Variants in AGBL4 observed in about 807,000 individuals in gnomAD.
AGBL4 encodes the protein AGBL carboxypeptidase 4.
In AGBL4, 58 loss-of-function variants were observed where a neutral mutation model predicts 66.4. That is an observed-to-expected ratio of 0.87 (90% CI 0.71 to 1.09). The LOEUF is 1.09. AGBL4 is among the 50% of genes least tolerant of loss of function. AGBL4 has a pLI of 0.00. For synonymous variants in AGBL4, 234 were observed against 222.9 expected, an observed-to-expected ratio of 1.05 and a Z score of -0.44; for missense variants, 579 against 631.0, an observed-to-expected ratio of 0.92 and a Z score of 0.88.
chr1:49,774,253 A>T (rs2147890311), intron 2 of AGBL4, among the ~76,000 whole-genome samples: 1 of 152,300 alleles, frequency 6.6e-6, no homozygotes, highest in East Asian at 1.9e-4. Flanking sequence ...GACCACTAAA[A>T]GTCTCCAGCT....
intron 2 of AGBL4, among the ~76,000 whole-genome samples, chr1:49,825,195 T>C (rs1645478272): frequency 6.6e-6 from 1 of 152,264 alleles, no homozygotes; most frequent in African/African-American, 2.4e-5. Flanking sequence ...CTTTTGTTTT[T>C]CTAAATAATA....
intron 4 of AGBL4, among the ~76,000 whole-genome samples, chr1:49,227,603 C>T (rs968871579): frequency 1.3e-5 from 2 of 152,136 alleles, no homozygotes; most frequent in African/African-American, 4.8e-5. Context: ...ATAAAGAAGC[C>T]TTATGTCTAT....
At position 49,670,645 on chromosome 1, in the gene AGBL4, G is replaced by A. The variant is rs143425889; in HGVS notation, c.282+26668C>T. On this transcript the variant is annotated intron_variant, in intron 3 of 13. Coordinates refer to ENST00000371839, the MANE Select transcript of AGBL4 (RefSeq NM_032785.4). The stretch of plus-strand genomic sequence containing the variant: ...GAGTAATAGCTACAATTCTGAATAG[G>A]CTCTCCAAATTGCACACTGGTCCAT... 1.4e-3 allele frequency among the ~76,000 whole-genome samples: 209 copies of A among 152,206 alleles called. 1 individual carries two copies. Among genetic ancestry groups the A allele is most frequent in the Non-Finnish European group, 2.3e-3 (155 of 68,004 alleles).
intron 4 of AGBL4, among the ~76,000 whole-genome samples, chr1:49,087,543 T>G (rs1229689737): frequency 1.3e-5 from 2 of 151,628 alleles, no homozygotes; most frequent in African/African-American, 4.8e-5. Context: ...TTGAGAAAAA[T>G]CAATAAAGAA....
chr1:49,128,602 ATAACT>A (rs1418278540), intron 4 of AGBL4, among the ~76,000 whole-genome samples: 11 of 152,244 alleles, frequency 7.2e-5, no homozygotes, highest in African/African-American at 1.9e-4. Context: ...AACAGCCAAA[ATAACT>A]TAATAAGGAA....
intron 3 of AGBL4, among the ~76,000 whole-genome samples, chr1:49,391,851 C>A (rs1644858838): frequency 6.6e-6 from 1 of 151,852 alleles, no homozygotes; most frequent in African/African-American, 2.4e-5. Context: ...GTGAGCCAAC[C>A]ATGAGGTTTT....
chr1:49,369,256 A>T (rs991260994), intron 3 of AGBL4, among the ~76,000 whole-genome samples: 2 of 152,232 alleles, frequency 1.3e-5, no homozygotes, highest in Non-Finnish European at 2.9e-5. Flanking sequence ...TAACCTTTAG[A>T]TATCTTTAGA....
intron 4 of AGBL4, among the ~76,000 whole-genome samples, chr1:49,162,774 A>G (rs955626560): frequency 6.6e-6 from 1 of 152,308 alleles, no homozygotes; most frequent in African/African-American, 2.4e-5. Flanking sequence ...TCTCCTCTGT[A>G]ATGTGGAAAT....
At chr1:49,567,055 G>A (rs931479360) in intron 3 of AGBL4, among the ~76,000 whole-genome samples, 18 of 152,246 alleles carry the variant, frequency 1.2e-4, no homozygotes, top group African/African-American at 3.1e-4. Context: ...TCAGACTGCC[G>A]TGCTAGCAAT....
intron 3 of AGBL4, among the ~76,000 whole-genome samples, chr1:49,665,826 G>A (rs1220429700): frequency 6.6e-6 from 1 of 151,148 alleles, no homozygotes; most frequent in Non-Finnish European, 1.5e-5. Context: ...TTGCTTTTTG[G>A]TTTTTAACAA....
intron 5 of AGBL4, among the ~76,000 whole-genome samples, chr1:48,874,840 C>T (rs1649063007): frequency 6.6e-6 from 1 of 152,050 alleles, no homozygotes; most frequent in African/African-American, 2.4e-5. Context: ...CATGCCCACC[C>T]CCAAGCCTTC....
intron 2 of AGBL4, among the ~76,000 whole-genome samples, chr1:49,766,817 T>A (rs982172272): frequency 2.0e-5 from 3 of 151,842 alleles, no homozygotes; most frequent in Non-Finnish European, 4.4e-5. Context: ...GACTTTAAAC[T>A]AAAAATAGTA....
intron 5 of AGBL4, among the ~76,000 whole-genome samples, chr1:48,939,293 C>T (rs539673778): frequency 6.6e-6 from 1 of 152,194 alleles, no homozygotes; most frequent in African/African-American, 2.4e-5. Context: ...AATCACATAA[C>T]GTGTAGACAG....
rs374878984 is a variant in AGBL4, at chr1:49,767,848, A to G, written c.158-70411T>C. On this transcript the variant is annotated intron_variant, in intron 2 of 13. Transcript: ENST00000371839. Reference sequence around the variant, plus strand: ...ATGCAAACAAACAAGACAATCATCTATAAGAAATTGATGAATTCCTGGGAG... The same window carrying G: ...ATGCAAACAAACAAGACAATCATCTGTAAGAAATTGATGAATTCCTGGGAG... 3.1e-4 allele frequency among the ~76,000 whole-genome samples: 47 copies of G among 152,214 alleles called. No homozygotes were observed. In the East Asian group the frequency reaches 8.9e-3, roughly 29 times the overall value.
intron 2 of AGBL4, among the ~76,000 whole-genome samples, chr1:49,742,974 TC>T (rs1412788386): frequency 1.3e-5 from 2 of 152,096 alleles, no homozygotes; most frequent in Non-Finnish European, 2.9e-5. Context: ...GCAATACCAT[TC>T]AGGACATAGG....
chr1:49,189,261 T>G (rs1211197769), intron 4 of AGBL4, among the ~76,000 whole-genome samples: 1 of 152,172 alleles, frequency 6.6e-6, no homozygotes, highest in Admixed American at 6.5e-5. Flanking sequence ...GTAATCTTTC[T>G]CCTCTTATAG....
At position 49,798,807 on chromosome 1, in the gene AGBL4, T is replaced by C. The variant is rs1455313418; in HGVS notation, c.157+52589A>G. ...TTTCATTTTCCAAACTCTGGAAGTA[T>C]TTTATTTTATTTAAAATATTTTCAG... is the stretch of plus-strand genomic sequence containing the variant. On this transcript the variant is annotated intron_variant, in intron 2 of 13. Transcript: ENST00000371839. Among the ~76,000 whole-genome samples, 7 of 152,316 alleles carry C rather than the reference T, an allele frequency of 4.6e-5. No homozygotes were observed. The East Asian group carries it at 1.3e-3, about 29-fold the overall frequency.
chr1:49,948,128 A>G lies in AGBL4; in HGVS notation c.34+75635T>C, dbSNP rs867585158. On this transcript the variant is annotated intron_variant, in intron 1 of 13. Transcript: ENST00000371839. Reference sequence around the variant, plus strand: ...TATATGTAAATGTATGTAAATATATATAAATATATGTAAATATATATAAAT... The same window carrying G: ...TATATGTAAATGTATGTAAATATATGTAAATATATGTAAATATATATAAAT... Among the ~76,000 whole-genome samples the G allele has an allele frequency of 5.0e-3, 514 of 103,520 alleles. 4 individuals are homozygous for G. The highest frequency in any genetic ancestry group is 0.024 in the Middle Eastern group (3 of 126). The allele number at this position is 103,520 out of a possible 152,430, so 67.9% of individuals were successfully genotyped here.
At chr1:49,308,858 C>T (rs946020191) in intron 3 of AGBL4, among the ~76,000 whole-genome samples, 8 of 152,164 alleles carry the variant, frequency 5.3e-5, no homozygotes, top group Non-Finnish European at 1.2e-4. Context: ...CTATTGAGCA[C>T]TGTGTAATAG....
Sources: gnomAD v4.1 joint callset for allele counts (sites outside exome capture counted in the v4.1 genomes callset) on GRCh38, gnomAD v4.1.1 for gene constraint, MANE v1.5 for transcripts, NCBI Gene and HGNC (gene_info 2026-07-23, HGNC 2026-07-21) for gene names.